ZKSCAN8: variants seen among roughly 807,000 people sequenced by gnomAD.
The protein encoded by ZKSCAN8 is zinc finger protein with KRAB and SCAN domains 8.
ZKSCAN8 carries 27 observed loss-of-function variants against 57.2 expected under a neutral mutation model. That is an observed-to-expected ratio of 0.47 (90% CI 0.35 to 0.65). The LOEUF (loss-of-function observed/expected upper bound fraction) is 0.65, where lower values mean the gene tolerates loss of function less well. ZKSCAN8 is among the 30% of genes least tolerant of loss of function. The probability of loss-of-function intolerance (pLI) is 0.01; values close to 1 mark genes in which losing one functional copy is unlikely to be tolerated. For missense variants in ZKSCAN8, 597 were observed against 696.3 expected (o/e 0.86, Z 1.60); for synonymous variants, 214 against 248.7 (o/e 0.86, Z 1.31).
intron 3 of ZKSCAN8, among the ~76,000 whole-genome samples, chr6:28,150,301 C>A (rs1038996547): frequency 6.6e-6 from 1 of 151,830 alleles, no homozygotes; most frequent in Non-Finnish European, 1.5e-5. Context: ...TTTGGATTTG[C>A]GTGATGTTTG....
At chr6:28,151,151 C>T (rs748978820) in intron 3 of ZKSCAN8, among the ~76,000 whole-genome samples, 1 of 152,168 alleles carries the variant, frequency 6.6e-6, no homozygotes, top group Non-Finnish European at 1.5e-5. Context: ...CCATAGAAGG[C>T]CCCTTCAGTC....
In ZKSCAN8 at chr6:28,147,900, C is replaced by T. The variant is rs78210590; in HGVS notation, c.-92-416C>T. 7.1e-3 allele frequency among the ~76,000 whole-genome samples: 1,080 copies of T among 152,288 alleles called. 7 individuals carry two copies. Among genetic ancestry groups the T allele is most frequent in the African/African-American group, 0.024 (998 of 41,538 alleles). ...AATTAGATTATGTAGAAATTAGTCT[C>T]ATCTGTTAAGAGTAAGGGAAAGGTT... On this transcript the variant is annotated intron_variant, in intron 1 of 5. Coordinates refer to ENST00000330236, the MANE Select transcript of ZKSCAN8 (RefSeq NM_006298.4).
In ZKSCAN8 at chr6:28,155,144, ATGACTTT is replaced by A. The variant is rs1765742322; in HGVS notation, c.*1128_*1134del. 6.6e-6 allele frequency: 1 copy of A among 152,336 alleles called. No individual in the cohort carries two copies. The highest frequency in any genetic ancestry group is 1.5e-5 in the Non-Finnish European group (1 of 68,022). The allele number at this position is 152,336 out of a possible 1,614,324, so 9.4% of individuals were successfully genotyped here. A position where few individuals can be genotyped will look rare whatever the true frequency, so the allele number is the denominator to read the frequency against. On this transcript the variant is annotated 3_prime_UTR_variant, in exon 6 of 6. Coordinates refer to ENST00000330236, the MANE Select transcript of ZKSCAN8 (RefSeq NM_006298.4). ...CATCTGTTTCTTGCCATTAGTTTATATGACTTTAATATCCACAGTGGTAATCTAATAC... is the reference window on the plus strand; with the variant it reads ...CATCTGTTTCTTGCCATTAGTTTATAAATATCCACAGTGGTAATCTAATAC...
At chr6:28,149,327 C>T (rs2622321) in intron 2 of ZKSCAN8, among the ~76,000 whole-genome samples, 156 bp from the exon 3 acceptor site, 5,827 of 152,220 alleles carry the variant, frequency 0.038, 146 homozygotes, top group African/African-American at 0.08. Context: ...GTGCTCATTA[C>T]GTATTCGTGT....
chr6:28,145,846 A>G (rs1479812668), intron 1 of ZKSCAN8, among the ~76,000 whole-genome samples: 1 of 152,192 alleles, frequency 6.6e-6, no homozygotes, highest in Non-Finnish European at 1.5e-5. Flanking sequence ...TGGCCTACCC[A>G]TTCCAGTATA....
At chr6:28,152,190 T>C in intron 4 of ZKSCAN8, 71 bp from the exon 5 acceptor site, 1 of 1,538,106 alleles carries the variant, frequency 6.5e-7, no homozygotes, top group South Asian at 1.3e-5. Flanking sequence ...TACTGGTGGA[T>C]CTCTCAAGCT....
In ZKSCAN8 at chr6:28,148,793, T is replaced by TGGAAAGGCAGATTGATATACTAGGAC; in HGVS notation, c.388_413dup (p.Pro139LysfsTer7). On this transcript the variant is annotated frameshift_variant, in exon 2 of 6. Coordinates refer to ENST00000330236, the MANE Select transcript of ZKSCAN8 (RefSeq NM_006298.4). LOFTEE classifies it high-confidence loss of function. ...GAGGTGGTGACCCTATTAGAGGATTTGGAAAGGCAGATTGATATACTAGGA... is the reference window on the plus strand; with the variant it reads ...GAGGTGGTGACCCTATTAGAGGATTTGGAAAGGCAGATTGATATACTAGGACGGAAAGGCAGATTGATATACTAGGA... 2 of 1,613,882 alleles carry TGGAAAGGCAGATTGATATACTAGGAC rather than the reference T, an allele frequency of 1.2e-6. No individual in the cohort carries two copies. Among genetic ancestry groups the TGGAAAGGCAGATTGATATACTAGGAC allele is most frequent in the Non-Finnish European group, 1.7e-6 (2 of 1,179,900 alleles).
chr6:28,148,811 T>G lies in ZKSCAN8; in HGVS notation c.404T>G (p.Ile135Arg). 1.2e-6 allele frequency: 2 copies of G among 1,612,722 alleles called. No homozygotes were observed. The highest frequency in any genetic ancestry group is 1.7e-6 in the Non-Finnish European group (2 of 1,179,106). The change falls in exon 2 of 6, where the codon ATA becomes AGA. Residue 135 changes from isoleucine to arginine, a missense_variant. Ile to Arg is a moderately conservative substitution (Grantham distance 97, BLOSUM62 -3). Coordinates refer to ENST00000330236, the MANE Select transcript of ZKSCAN8 (RefSeq NM_006298.4). ...LLEDLERQID[I>R]LGRPVSARVH... ...GAGGATTTGGAAAGGCAGATTGATA[T>G]ACTAGGACGACCAGTAAGTAGAAGG...
In ZKSCAN8 at chr6:28,151,898, C is replaced by T; in HGVS notation, c.613C>T (p.Gln205Ter). 1 of 1,614,110 alleles carries T rather than the reference C, an allele frequency of 6.2e-7. No homozygotes were observed. Among genetic ancestry groups the T allele is most frequent in the Non-Finnish European group, 8.5e-7 (1 of 1,180,006 alleles). ...TTCCCAGAAAGGAAGTTCTGGAGACCAGGAAATGACAGCTACACTTCTCAC... is the reference window on the plus strand; with the variant it reads ...TTCCCAGAAAGGAAGTTCTGGAGACTAGGAAATGACAGCTACACTTCTCAC... ...TRSQKGSSGD[Q>*]EMTATLLTAG... The change falls in exon 4 of 6, where the codon CAG becomes TAG. Residue 205 changes from glutamine to a stop codon, truncating the protein, a stop_gained. Transcript: ENST00000330236. LOFTEE classifies it high-confidence loss of function.
rs1257782613 is a variant in ZKSCAN8 at position 28,156,400 on chromosome 6, T to G, written c.*2383T>G. 1 of 393,860 alleles carries G rather than the reference T, an allele frequency of 2.5e-6. No individual in the cohort carries two copies. Among genetic ancestry groups the G allele is most frequent in the Non-Finnish European group, 4.5e-6 (1 of 223,386 alleles). 24.4% of individuals were successfully genotyped at this position (393,860 alleles called of 1,614,324 possible). On this transcript the variant is annotated 3_prime_UTR_variant, in exon 6 of 6. Transcript: ENST00000330236. Reference sequence around the variant, plus strand: ...AGCCAGATTACTTAAATCTCAGAATTACTAAGCATGTGGCATAAATTTGGA... The same window carrying G: ...AGCCAGATTACTTAAATCTCAGAATGACTAAGCATGTGGCATAAATTTGGA...
rs1400773107 is a variant in ZKSCAN8 at position 28,155,701 on chromosome 6, T to C, written c.*1684T>C. On this transcript the variant is annotated 3_prime_UTR_variant, in exon 6 of 6. Transcript: ENST00000330236. ...AAAAGAAATAATAATCATTTTATGATTGATGGGCCAAAAAAAGCAATCAAA... is the reference window on the plus strand; with the variant it reads ...AAAAGAAATAATAATCATTTTATGACTGATGGGCCAAAAAAAGCAATCAAA... 1 of 154,566 alleles carries C rather than the reference T, an allele frequency of 6.5e-6. No individual in the cohort carries two copies. Among genetic ancestry groups the C allele is most frequent in the African/African-American group, 2.4e-5 (1 of 41,570 alleles). The allele number at this position is 154,566 out of a possible 1,614,324, so 9.6% of individuals were successfully genotyped here. A position where few individuals can be genotyped will look rare whatever the true frequency, so the allele number is the denominator to read the frequency against.
chr6:28,146,023 C>G (rs1765382734), intron 1 of ZKSCAN8, among the ~76,000 whole-genome samples: 3 of 152,190 alleles, frequency 2.0e-5, no homozygotes, highest in Non-Finnish European at 4.4e-5. Context: ...CCAAAGTTAC[C>G]ATTGCAGTTC....
At position 28,158,882 on chromosome 6, in the gene ZKSCAN8, T is replaced by A. The variant is rs1380594703; in HGVS notation, c.*4865T>A. On this transcript the variant is annotated 3_prime_UTR_variant, in exon 6 of 6. Transcript: ENST00000330236. ...AACACCCATTTTTACAATATCTCTA[T>A]TGTAAAATTTCATTTTCACTAAGTA... The A allele has an allele frequency of 6.6e-6, 1 of 152,194 alleles. No homozygotes were observed. Among genetic ancestry groups the A allele is most frequent in the South Asian group, 2.1e-4 (1 of 4,832 alleles). 9.4% of individuals were successfully genotyped at this position (152,194 alleles called of 1,614,324 possible). A position where few individuals can be genotyped will look rare whatever the true frequency, so the allele number is the denominator to read the frequency against.
In ZKSCAN8 at chr6:28,158,581, C is replaced by T. The variant is rs1765863226; in HGVS notation, c.*4564C>T. On this transcript the variant is annotated 3_prime_UTR_variant, in exon 6 of 6. Transcript: ENST00000330236. ...TTATCTTTTTCTGCTCTCCATTCTC[C>T]ATGTCCAAAAACTTGCTGTCAGTCC... 6.6e-6 allele frequency: 1 copy of T among 152,162 alleles called. No individual in the cohort carries two copies. The highest frequency in any genetic ancestry group is 6.5e-5 in the Admixed American group (1 of 15,284). 9.4% of individuals were successfully genotyped at this position (152,162 alleles called of 1,614,324 possible).
In ZKSCAN8 at chr6:28,149,495, G is replaced by C. The variant is rs199685233; in HGVS notation, c.430G>C (p.Val144Leu). 127 of 1,613,676 alleles carry C rather than the reference G, an allele frequency of 7.9e-5. 1 individual carries two copies. Among genetic ancestry groups the C allele is most frequent in the Non-Finnish European group, 9.8e-5 (116 of 1,179,900 alleles). The change falls in exon 3 of 6, where the codon GTA (valine) becomes CTA (leucine). Residue 144 changes from valine to leucine, a missense_variant. By Grantham distance (32) the Val-to-Leu change is conservative. Coordinates refer to ENST00000330236, the MANE Select transcript of ZKSCAN8 (RefSeq NM_006298.4). The part of the protein sequence containing the change: ...DILGRPVSAR[V>L]HGHRVLWEEV... The stretch of plus-strand genomic sequence containing the variant: ...CTGTTGTTTCCAGGTCTCAGCTCGC[G>C]TACATGGACATAGGGTACTCTGGGA...
Position 28,153,163 on chromosome 6 carries a change from A to G in ZKSCAN8, c.883A>G (p.Arg295Gly), listed in dbSNP as rs1238186914. 2.5e-6 allele frequency: 4 copies of G among 1,614,218 alleles called. No individual in the cohort carries two copies. The East Asian group carries it at 6.7e-5, about 27-fold the overall frequency. Residue 295 changes from arginine to glycine, a missense_variant, in exon 6 of 6, where the codon AGG becomes GGG. Coordinates refer to ENST00000330236, the MANE Select transcript of ZKSCAN8 (RefSeq NM_006298.4). Reference sequence around the variant, plus strand: ...TGCCAAATGCAACGGGGATGTTATCAGGGGTCTTGAGCATGAAGAAGCCCG... The same window carrying G: ...TGCCAAATGCAACGGGGATGTTATCGGGGGTCTTGAGCATGAAGAAGCCCG... ...TAAKCNGDVI[R>G]GLEHEEARDL...
Position 28,154,208 on chromosome 6 carries a change from C to A in ZKSCAN8, c.*191C>A. 1 of 719,000 alleles carries A rather than the reference C, an allele frequency of 1.4e-6. No homozygotes were observed. Among genetic ancestry groups the A allele is most frequent in the Non-Finnish European group, 2.2e-6 (1 of 460,964 alleles). The allele number at this position is 719,000 out of a possible 1,614,324, so 44.5% of individuals were successfully genotyped here. On this transcript the variant is annotated 3_prime_UTR_variant, in exon 6 of 6. Transcript: ENST00000330236. ...CCTTGGTGAAGGTTGATTAGCTTGACTGTCTTTGAAAGTATCTGATGGAGC... is the reference window on the plus strand; with the variant it reads ...CCTTGGTGAAGGTTGATTAGCTTGAATGTCTTTGAAAGTATCTGATGGAGC...
In ZKSCAN8 at chr6:28,156,094, G is replaced by GT; in HGVS notation, c.*2078dup. 1 of 398,236 alleles carries GT rather than the reference G, an allele frequency of 2.5e-6. No homozygotes were observed. Among genetic ancestry groups the GT allele is most frequent in the African/African-American group, 2.1e-5 (1 of 48,720 alleles). 24.7% of individuals were successfully genotyped at this position (398,236 alleles called of 1,614,324 possible). On this transcript the variant is annotated 3_prime_UTR_variant, in exon 6 of 6. Transcript: ENST00000330236. The stretch of plus-strand genomic sequence containing the variant: ...AAGATACTGATTCTTCCTGGGGCCA[G>GT]TATTACCTTGTATGCAAATATTACA...
rs1350657699 is a variant in ZKSCAN8, at chr6:28,153,043, A to C, written c.776-13A>C. 6.2e-7 allele frequency: 1 copy of C among 1,611,516 alleles called. No individual in the cohort carries two copies. Among genetic ancestry groups the C allele is most frequent in the Non-Finnish European group, 8.5e-7 (1 of 1,178,328 alleles). On this transcript the variant is annotated splice_polypyrimidine_tract_variant and intron_variant, in intron 5 of 5. Coordinates refer to ENST00000330236, the MANE Select transcript of ZKSCAN8 (RefSeq NM_006298.4). The stretch of plus-strand genomic sequence containing the variant: ...CATTGGCTTGATGTTTGTTTATTAC[A>C]TTTTTATTTCAGGTGGTGAGACCAG...
Sources: allele counts gnomAD v4.1 joint callset (sites outside exome capture counted in the v4.1 genomes callset), GRCh38; gene constraint gnomAD v4.1.1; transcripts MANE v1.5; gene names NCBI Gene and HGNC (gene_info 2026-07-23, HGNC 2026-07-21).